COL19A1: variants seen among roughly 807,000 people sequenced by gnomAD.
COL19A1 encodes collagen type XIX alpha 1 chain, also known as collagen alpha-1(XIX) chain.
In COL19A1, 159 loss-of-function variants were observed where a neutral mutation model predicts 190.2. The ratio of observed to expected loss-of-function variants is 0.84; its 90% confidence interval spans 0.73 to 0.95. The LOEUF is 0.95. Among genes scored for constraint, COL19A1 ranks in the 40% least tolerant of loss-of-function variants. The probability of loss-of-function intolerance (pLI) is 0.00; values close to 1 mark genes in which losing one functional copy is unlikely to be tolerated. For missense variants in COL19A1, 1,418 were observed against 1,431.9 expected (o/e 0.99, Z 0.16); for synonymous variants, 509 against 458.9 (o/e 1.11, Z -1.39).
intron 50 of COL19A1, 48 bp downstream of exon 50, chr6:70,207,026 G>C: frequency 6.2e-7 from 1 of 1,607,826 alleles, no homozygotes; most frequent in South Asian, 1.1e-5. Context: ...TTACAAATTA[G>C]AACCATGCTT....
chr6:69,941,821 T>A (rs1288461471), intron 9 of COL19A1, among the ~76,000 whole-genome samples: 1 of 152,154 alleles, frequency 6.6e-6, no homozygotes, highest in African/African-American at 2.4e-5. Context: ...CCTGAGTAGT[T>A]GAGATTACAG....
chr6:69,868,470 C>T (rs1168587578), intron 1 of COL19A1, among the ~76,000 whole-genome samples: 1 of 152,134 alleles, frequency 6.6e-6, no homozygotes, highest in African/African-American at 2.4e-5. Context: ...TTTATGCTCT[C>T]TCTAGGGGAT....
At chr6:70,141,059 A>G (rs1391915486) in intron 20 of COL19A1, 70 bp downstream of exon 20, 1 of 1,419,556 alleles carries the variant, frequency 7.0e-7, no homozygotes, top group African/African-American at 1.4e-5. Flanking sequence ...ATTTTCTGGT[A>G]TGTTTACTTT....
intron 4 of COL19A1, among the ~76,000 whole-genome samples, chr6:69,914,279 A>G (rs1160457117): frequency 6.6e-6 from 1 of 152,152 alleles, no homozygotes; most frequent in Non-Finnish European, 1.5e-5. Context: ...AACATCATCA[A>G]CCAGCCTGGG....
intron 16 of COL19A1, among the ~76,000 whole-genome samples, chr6:70,116,736 A>G (rs1784603208): frequency 6.6e-6 from 1 of 152,212 alleles, no homozygotes; most frequent in Admixed American, 6.5e-5. Context: ...TTTCTTGAAA[A>G]TTAGTCCAAA....
intron 11 of COL19A1, among the ~76,000 whole-genome samples, chr6:70,003,235 CTGTT>C (rs1169407608): frequency 4.6e-5 from 7 of 151,148 alleles, no homozygotes; most frequent in Admixed American, 1.3e-4. Flanking sequence ...CACTGAGAGA[CTGTT>C]TGTTATGATT....
intron 15 of COL19A1, among the ~76,000 whole-genome samples, chr6:70,090,116 G>T (rs990368073): frequency 6.6e-6 from 1 of 151,846 alleles, no homozygotes; most frequent in African/African-American, 2.4e-5. Flanking sequence ...GGTTGAGGCT[G>T]CTGTGAGCAA....
intron 5 of COL19A1, among the ~76,000 whole-genome samples, chr6:69,929,155 T>TACACACAC (rs141935825): frequency 0.049 from 7,248 of 148,614 alleles, 546 homozygotes; most frequent in African/African-American, 0.16. Context: ...TTAAAATAAC[T>TACACACAC]ACACACACAC....
At position 70,176,453 on chromosome 6, in the gene COL19A1, G is replaced by T. The variant is rs376439577; in HGVS notation, c.2623-67G>T. On this transcript the variant is annotated intron_variant, in intron 41 of 50. Coordinates refer to ENST00000620364, the MANE Select transcript of COL19A1 (RefSeq NM_001858.6). The stretch of plus-strand genomic sequence containing the variant: ...TTACCAAATCCAAATTATTATTTGA[G>T]AATTAATTTCATAACTAAAGACTTC... The T allele has an allele frequency of 3.3e-6, 5 of 1,500,502 alleles. No individual in the cohort carries two copies. In the East Asian group the frequency reaches 6.9e-5, roughly 21 times the overall value. 92.9% of individuals were successfully genotyped at this position (1,500,502 alleles called of 1,614,324 possible). A position where few individuals can be genotyped will look rare whatever the true frequency, so the allele number is the denominator to read the frequency against.
chr6:69,952,514 T>TA (rs113073561), intron 9 of COL19A1, among the ~76,000 whole-genome samples: 46,290 of 151,614 alleles, frequency 0.31, 8,658 homozygotes, highest in African/African-American at 0.52. Flanking sequence ...CTTCTGGAAG[T>TA]AAAAAAAGCT....
intron 4 of COL19A1, among the ~76,000 whole-genome samples, chr6:69,925,307 A>T (rs1439055824): frequency 2.6e-5 from 4 of 152,220 alleles, no homozygotes; most frequent in South Asian, 2.1e-4. Flanking sequence ...TACATATGGC[A>T]AGCCAGTATT....
intron 11 of COL19A1, among the ~76,000 whole-genome samples, chr6:69,995,165 A>G: frequency 6.6e-6 from 1 of 152,150 alleles, no homozygotes; most frequent in African/African-American, 2.4e-5. Context: ...GTGGCATGCC[A>G]CCTTGCCAAC....
intron 14 of COL19A1, among the ~76,000 whole-genome samples, chr6:70,045,283 G>T (rs932866986): frequency 1.5e-5 from 2 of 136,180 alleles, no homozygotes; most frequent in African/African-American, 2.9e-5. Context: ...TGGCACTCCA[G>T]CCTGGGCAAC....
chr6:70,064,713 C>T (rs1048863752), intron 14 of COL19A1, among the ~76,000 whole-genome samples: 9 of 152,276 alleles, frequency 5.9e-5, no homozygotes, highest in African/African-American at 2.2e-4. Flanking sequence ...TAGAAAACCC[C>T]ATCGTCTCAG....
chr6:70,164,950 G>A (rs995017822), intron 36 of COL19A1, among the ~76,000 whole-genome samples: 16 of 152,212 alleles, frequency 1.1e-4, no homozygotes, highest in South Asian at 2.1e-4. Flanking sequence ...TGATACTTTC[G>A]TTACAAAAAA....
chr6:69,938,584 A>G (rs1283216235), intron 9 of COL19A1, among the ~76,000 whole-genome samples: 1 of 151,956 alleles, frequency 6.6e-6, no homozygotes, highest in East Asian at 1.9e-4. Flanking sequence ...GACAAATAGG[A>G]TATATTCCCT....
chr6:70,045,710 C>T (rs1779874562), intron 14 of COL19A1, among the ~76,000 whole-genome samples: 1 of 152,146 alleles, frequency 6.6e-6, no homozygotes, highest in South Asian at 2.1e-4. Context: ...TTTTGGACTT[C>T]CTTACTTATT....
chr6:70,006,991 A>G (rs1777676479), intron 11 of COL19A1, among the ~76,000 whole-genome samples: 1 of 152,194 alleles, frequency 6.6e-6, no homozygotes, highest in Middle Eastern at 3.2e-3. Context: ...TTGTTGAACA[A>G]AAATGAAGGC....
At chr6:69,912,382 C>A (rs1348773565) in intron 4 of COL19A1, among the ~76,000 whole-genome samples, 2 of 152,194 alleles carry the variant, frequency 1.3e-5, no homozygotes, top group African/African-American at 4.8e-5. Flanking sequence ...TTTCTACATA[C>A]ATCACTGCTT....
Sources: gnomAD v4.1 joint callset for allele counts (sites outside exome capture counted in the v4.1 genomes callset) on GRCh38, gnomAD v4.1.1 for gene constraint, MANE v1.5 for transcripts, NCBI Gene and HGNC (gene_info 2026-07-23, HGNC 2026-07-21) for gene names.